Variants in PRDM10 observed in about 807,000 individuals in gnomAD.
PRDM10 encodes the protein PR domain zinc finger protein 10.
PRDM10 carries 65 observed loss-of-function variants against 133.1 expected under a neutral mutation model. That is an observed-to-expected ratio of 0.49 (90% CI 0.40 to 0.60). The LOEUF (loss-of-function observed/expected upper bound fraction) is 0.60, where lower values mean the gene tolerates loss of function less well. Among genes scored for constraint, PRDM10 ranks in the 20% least tolerant of loss-of-function variants. The pLI, the probability that PRDM10 is intolerant of heterozygous loss-of-function variation, is 0.00. For synonymous variants in PRDM10, 582 were observed against 580.4 expected (o/e 1.00, Z -0.04); for missense variants, 1,137 against 1,507.1 (o/e 0.75, Z 4.07).
intron 10 of PRDM10, 111 bp from the exon 11 acceptor site, chr11:129,931,369 T>C (rs1168126429): frequency 1.4e-6 from 2 of 1,393,320 alleles, no homozygotes; most frequent in Non-Finnish European, 1.9e-6. Flanking sequence ...TCAGAAAAAA[T>C]ATTCTCCCTC....
At chr11:129,919,402 C>T (rs924830042) in intron 13 of PRDM10, among the ~76,000 whole-genome samples, 2 of 152,142 alleles carry the variant, frequency 1.3e-5, no homozygotes, top group Non-Finnish European at 2.9e-5. Context: ...ATTCCCACAC[C>T]TTTCAGCAAA....
chr11:129,924,825 G>T, intron 12 of PRDM10, 57 bp downstream of exon 12: 1 of 1,470,382 alleles, frequency 6.8e-7, no homozygotes, highest in South Asian at 1.4e-5. Context: ...TCCAAAAATC[G>T]AAGTTTCTTT....
intron 11 of PRDM10, among the ~76,000 whole-genome samples, chr11:129,928,565 A>T (rs1309658289): frequency 6.7e-6 from 1 of 150,016 alleles, no homozygotes; most frequent in Non-Finnish European, 1.5e-5. Flanking sequence ...ATTTTTTTGT[A>T]TTTTTTTTTA....
intron 20 of PRDM10, 79 bp from the exon 21 acceptor site, chr11:129,902,595 T>C (rs2135697668): frequency 3.3e-6 from 5 of 1,514,196 alleles, no homozygotes; most frequent in Non-Finnish European, 3.5e-6. Flanking sequence ...GAGGGAGATG[T>C]GAAGAAATGT....
intron 12 of PRDM10, 122 bp downstream of exon 12, chr11:129,924,760 T>A: frequency 1.2e-6 from 1 of 817,440 alleles, no homozygotes; most frequent in Non-Finnish European, 2.0e-6. Context: ...TGTTCTCAAT[T>A]GTAAAGTTGT....
At chr11:129,999,728 A>T (rs1210081240) in intron 1 of PRDM10, among the ~76,000 whole-genome samples, 1 of 152,212 alleles carries the variant, frequency 6.6e-6, no homozygotes. Flanking sequence ...TATGTTTGTT[A>T]TCCAGAAGCC....
chr11:129,970,456 T>C (rs550399349), intron 1 of PRDM10, among the ~76,000 whole-genome samples: 21 of 152,220 alleles, frequency 1.4e-4, no homozygotes, highest in Admixed American at 1.2e-3. Context: ...ACACTGCTTC[T>C]CTTCCCACAA....
intron 7 of PRDM10, among the ~76,000 whole-genome samples, chr11:129,938,493 C>T (rs966729517): frequency 5.3e-5 from 8 of 152,076 alleles, no homozygotes; most frequent in Admixed American, 2.0e-4. Context: ...CAAGGACTAC[C>T]GCTCCCTCGA....
At position 129,947,612 on chromosome 11, in the gene PRDM10, C is replaced by A; in HGVS notation, c.295-242G>T. On this transcript the variant is annotated intron_variant, in intron 4 of 20. Transcript: ENST00000360871. The surrounding 1 kb of genome is among the most constrained non-coding windows in gnomAD (Gnocchi z 4.6). Reference sequence around the variant, plus strand: ...TCCCTCTGCCCCTTCTGTCCCACACCTGGGAGGGCTGCTAAGAAGGCTCAG... The same window carrying A: ...TCCCTCTGCCCCTTCTGTCCCACACATGGGAGGGCTGCTAAGAAGGCTCAG... 1 of 1,334,510 alleles carries A rather than the reference C, an allele frequency of 7.5e-7. No homozygotes were observed. The highest frequency in any genetic ancestry group is 9.8e-7 in the Non-Finnish European group (1 of 1,015,234). 82.7% of individuals were successfully genotyped at this position (1,334,510 alleles called of 1,614,324 possible). A position where few individuals can be genotyped will look rare whatever the true frequency, so the allele number is the denominator to read the frequency against.
chr11:129,989,652 G>A (rs1938623672), intron 1 of PRDM10, among the ~76,000 whole-genome samples: 1 of 152,090 alleles, frequency 6.6e-6, no homozygotes, highest in South Asian at 2.1e-4. Context: ...TAAACTCCTG[G>A]TTAATGTATA....
chr11:129,921,755 G>A (rs1354444247), intron 13 of PRDM10, among the ~76,000 whole-genome samples: 1 of 152,202 alleles, frequency 6.6e-6, no homozygotes, highest in African/African-American at 2.4e-5. Context: ...CCTGGAAGGT[G>A]GAAAGGAAGC....
intron 9 of PRDM10, among the ~76,000 whole-genome samples, chr11:129,933,851 C>T (rs1196189254): frequency 1.3e-5 from 2 of 152,172 alleles, no homozygotes; most frequent in African/African-American, 4.8e-5. Flanking sequence ...ACCCTGTCAC[C>T]CTTGTAAGCC....
chr11:129,932,329 C>A, intron 9 of PRDM10, 98 bp from the exon 10 acceptor site: 1 of 1,420,886 alleles, frequency 7.0e-7, no homozygotes, highest in South Asian at 1.4e-5. Flanking sequence ...GAGTTTGATT[C>A]CTCTCACCTT....
chr11:129,931,794 T>C (rs1950876895), intron 10 of PRDM10, among the ~76,000 whole-genome samples: 1 of 152,056 alleles, frequency 6.6e-6, no homozygotes, highest in Non-Finnish European at 1.5e-5. Flanking sequence ...GGTCTCGATC[T>C]CCTGACCTCG....
In PRDM10 at chr11:129,947,683, C is replaced by T. The variant is rs1951464642; in HGVS notation, c.295-313G>A. On this transcript the variant is annotated intron_variant, in intron 4 of 20. Transcript: ENST00000360871. The surrounding 1 kb of genome is among the most constrained non-coding windows in gnomAD (Gnocchi z 4.6). Reference sequence around the variant, plus strand: ...AGTGGGAGAGTCAACACTGGCAAGGCCCTGACCACCTGCGTCCTGACCCCA... The same window carrying T: ...AGTGGGAGAGTCAACACTGGCAAGGTCCTGACCACCTGCGTCCTGACCCCA... 4.4e-6 allele frequency: 3 copies of T among 676,714 alleles called. No individual in the cohort carries two copies. Among genetic ancestry groups the T allele is most frequent in the African/African-American group, 1.8e-5 (1 of 55,270 alleles). 41.9% of individuals were successfully genotyped at this position (676,714 alleles called of 1,614,324 possible). A position where few individuals can be genotyped will look rare whatever the true frequency, so the allele number is the denominator to read the frequency against.
chr11:129,923,373 C>T lies in PRDM10; in HGVS notation c.1909G>A (p.Glu637Lys). 19 of 1,610,590 alleles carry T rather than the reference C, an allele frequency of 1.2e-5. No individual in the cohort carries two copies. The highest frequency in any genetic ancestry group is 1.6e-5 in the Non-Finnish European group (19 of 1,178,546). The change falls in exon 13 of 21, where the codon GAA becomes AAA. Residue 637 changes from glutamate (E) to lysine (K), a missense_variant. Glu to Lys is a moderately conservative substitution (Grantham distance 56). This residue lies in a region of PRDM10 where 635 missense variants were observed against 835.2 expected (regional missense o/e 0.76). Coordinates refer to ENST00000360871, the MANE Select transcript of PRDM10 (RefSeq NM_199437.2). The surrounding 1 kb of genome is among the most constrained non-coding windows in gnomAD (Gnocchi z 4.4). ...VKKHVRSFHS[E>K]KIYQCTECDK... ...CACTCTGTGCACTGGTAGATCTTTT[C>T]TGAGTGGAAGCTGCGCACGTGTTTT...
chr11:129,959,669 T>C (rs1311967422), intron 2 of PRDM10, among the ~76,000 whole-genome samples: 1 of 152,152 alleles, frequency 6.6e-6, no homozygotes, highest in Non-Finnish European at 1.5e-5. Flanking sequence ...CCAAAATACA[T>C]AGCTGCATGG....
intron 7 of PRDM10, among the ~76,000 whole-genome samples, chr11:129,938,072 C>CCACCTT (rs1023916797): frequency 6.6e-6 from 1 of 152,150 alleles, no homozygotes; most frequent in African/African-American, 2.4e-5. Flanking sequence ...TCCAAGGCAA[C>CCACCTT]CACCTTCTCC....
At chr11:129,991,743 T>C (rs961040951) in intron 1 of PRDM10, among the ~76,000 whole-genome samples, 31 of 148,428 alleles carry the variant, frequency 2.1e-4, no homozygotes, top group African/African-American at 6.5e-4. Context: ...AGCTTGAACC[T>C]GGGAGGAGGA....
Sources: gnomAD v4.1 joint callset for allele counts (sites outside exome capture counted in the v4.1 genomes callset) on GRCh38, gnomAD v4.1.1 for gene constraint, gnomAD v4.1.1 regional missense constraint, Gnocchi (gnomAD v3.1) non-coding constraint, MANE v1.5 for transcripts, NCBI Gene and HGNC (gene_info 2026-07-23, HGNC 2026-07-21) for gene names.